Variants in DARS1 observed in about 807,000 individuals in gnomAD.
DARS1 encodes aspartate--tRNA ligase, cytoplasmic.
A neutral mutation model predicts 68.8 loss-of-function variants in DARS1; 51 were observed. The observed-to-expected ratio is 0.74, with a 90% CI of 0.59 to 0.94. The LOEUF (loss-of-function observed/expected upper bound fraction) is 0.94, where lower values mean the gene tolerates loss of function less well. Among genes scored for constraint, DARS1 ranks in the 40% least tolerant of loss-of-function variants. DARS1 has a pLI of 0.00. For missense variants in DARS1, 607 were observed against 597.3 expected, an observed-to-expected ratio of 1.02 and a Z score of -0.17; for synonymous variants, 203 against 190.4, an observed-to-expected ratio of 1.07 and a Z score of -0.55.
intron 7 of DARS1, among the ~76,000 whole-genome samples, chr2:135,926,656 C>A (rs13397074): frequency 1.3e-5 from 2 of 152,056 alleles, no homozygotes; most frequent in African/African-American, 4.8e-5. Context: ...GAAAGAAAAA[C>A]AAATATTTCA....
At chr2:135,938,713 G>A (rs1401420504) in intron 5 of DARS1, among the ~76,000 whole-genome samples, 1 of 152,138 alleles carries the variant, frequency 6.6e-6, no homozygotes, top group Non-Finnish European at 1.5e-5. Flanking sequence ...GACACAGACT[G>A]GCAAATTGGA....
At chr2:135,936,648 C>A (rs1451035038) in intron 5 of DARS1, among the ~76,000 whole-genome samples, 1 of 152,172 alleles carries the variant, frequency 6.6e-6, no homozygotes, top group Non-Finnish European at 1.5e-5. Flanking sequence ...TGGGTTTATT[C>A]ATTTATCTTT....
chr2:135,982,144 A>G (rs1575410660), intron 2 of DARS1, among the ~76,000 whole-genome samples: 1 of 152,216 alleles, frequency 6.6e-6, no homozygotes, highest in East Asian at 1.9e-4. Flanking sequence ...GAGAGACGTA[A>G]TTTGAAGTGT....
chr2:135,959,963 A>G (rs1356989921), intron 4 of DARS1, among the ~76,000 whole-genome samples: 1 of 152,158 alleles, frequency 6.6e-6, no homozygotes, highest in Admixed American at 6.5e-5. Context: ...AGAATTTAGC[A>G]TCTATGTCTG....
At chr2:135,949,301 T>C (rs1279654109) in intron 4 of DARS1, among the ~76,000 whole-genome samples, 1 of 152,010 alleles carries the variant, frequency 6.6e-6, no homozygotes, top group Non-Finnish European at 1.5e-5. Context: ...CTCACTGTCC[T>C]CTCTAACAGT....
At chr2:135,921,427 T>G (rs1199688257) in intron 9 of DARS1, among the ~76,000 whole-genome samples, 1 of 152,114 alleles carries the variant, frequency 6.6e-6, no homozygotes, top group East Asian at 1.9e-4. Flanking sequence ...CCATCTCTGT[T>G]GTCTATATAT....
chr2:135,981,674 C>CT lies in DARS1; in HGVS notation c.124+1722dup, dbSNP rs1312008531. 6.9e-3 allele frequency among the ~76,000 whole-genome samples: 967 copies of CT among 140,490 alleles called. 9 individuals carry two copies. The highest frequency in any genetic ancestry group is 0.011 in the Middle Eastern group (3 of 274). The allele number at this position is 140,490 out of a possible 152,430, so 92.2% of individuals were successfully genotyped here. A position where few individuals can be genotyped will look rare whatever the true frequency, so the allele number is the denominator to read the frequency against. On this transcript the variant is annotated intron_variant, in intron 2 of 15. Coordinates refer to ENST00000264161, the MANE Select transcript of DARS1 (RefSeq NM_001349.4). The stretch of plus-strand genomic sequence containing the variant: ...TGGAAATGATTTTCAGAAATTTTGG[C>CT]TTTTTTTTTTTTTTGACAGGGTCTC...
At chr2:135,973,508 G>C (rs1457988850) in intron 3 of DARS1, among the ~76,000 whole-genome samples, 1 of 151,776 alleles carries the variant, frequency 6.6e-6, no homozygotes, top group Non-Finnish European at 1.5e-5. Context: ...CCTAGTATTT[G>C]ATAGCAGAAC....
intron 3 of DARS1, among the ~76,000 whole-genome samples, chr2:135,963,828 T>C (rs1682153210): frequency 6.6e-6 from 1 of 151,786 alleles, no homozygotes; most frequent in Non-Finnish European, 1.5e-5. Flanking sequence ...TACAAGTGCC[T>C]ACCACCACAC....
intron 3 of DARS1, 98 bp downstream of exon 3, chr2:135,979,176 T>C (rs1196611410): frequency 2.8e-6 from 2 of 710,268 alleles, no homozygotes; most frequent in African/African-American, 1.8e-5. Context: ...CATGTTTTTG[T>C]TTTGTTTTTA....
rs1682612233 is a variant in DARS1, at chr2:135,980,771, C to G, written c.125-1405G>C. Among the ~76,000 whole-genome samples, 3 of 152,122 alleles carry G rather than the reference C, an allele frequency of 2.0e-5. No individual in the cohort carries two copies. The South Asian group carries it at 6.2e-4, about 32-fold the overall frequency. ...TAACCAAGCAATCACAACTCAAAAC[C>G]ACACAAAACAGAAAAGCAGAAGTCT... On this transcript the variant is annotated intron_variant, in intron 2 of 15. Coordinates refer to ENST00000264161, the MANE Select transcript of DARS1 (RefSeq NM_001349.4).
At chr2:135,977,562 GGAGA>G (rs1025774031) in intron 3 of DARS1, among the ~76,000 whole-genome samples, 4 of 152,164 alleles carry the variant, frequency 2.6e-5, no homozygotes, top group African/African-American at 9.7e-5. Flanking sequence ...CAGTATAACG[GGAGA>G]GAGACGAGTA....
chr2:135,974,371 G>A (rs368225736), intron 3 of DARS1, among the ~76,000 whole-genome samples: 4 of 152,120 alleles, frequency 2.6e-5, no homozygotes, highest in Non-Finnish European at 5.9e-5. Context: ...GATCAACTAC[G>A]TTAAAATTTA....
At chr2:135,916,403 G>GTA in intron 10 of DARS1, 31 bp from the exon 11 acceptor site, 1 of 1,353,940 alleles carries the variant, frequency 7.4e-7, no homozygotes, top group Non-Finnish European at 1.1e-6. Flanking sequence ...TTAATAAAAT[G>GTA]TATGAGATAA....
At chr2:135,935,432 TA>T (rs11340194) in intron 5 of DARS1, among the ~76,000 whole-genome samples, 37,100 of 149,656 alleles carry the variant, frequency 0.25, 5,491 homozygotes, top group Middle Eastern at 0.42. Context: ...CCATCTCTAC[TA>T]AAAAAAAATA....
chr2:135,929,016 T>A (rs1239022056), intron 7 of DARS1, among the ~76,000 whole-genome samples: 1 of 152,226 alleles, frequency 6.6e-6, no homozygotes, highest in Non-Finnish European at 1.5e-5. Flanking sequence ...CAGCTGTATG[T>A]GTTCAGGTTA....
chr2:135,920,156 G>A (rs1297696829), intron 10 of DARS1, among the ~76,000 whole-genome samples: 4 of 152,086 alleles, frequency 2.6e-5, no homozygotes, highest in South Asian at 4.2e-4. Flanking sequence ...TGAGACATTC[G>A]GGATGTCAGT....
chr2:135,941,392 AAAAC>A (rs1187851459), intron 5 of DARS1, among the ~76,000 whole-genome samples: 1 of 152,226 alleles, frequency 6.6e-6, no homozygotes, highest in African/African-American at 2.4e-5. Context: ...AAACCTGAGA[AAAAC>A]AAGCAATGGG....
chr2:135,930,706 A>G (rs1681322853), intron 7 of DARS1, among the ~76,000 whole-genome samples: 1 of 152,234 alleles, frequency 6.6e-6, no homozygotes, highest in Admixed American at 6.5e-5. Flanking sequence ...ATCCATTTGT[A>G]TTTGGGAAAA....
Sources: gnomAD v4.1 joint callset for allele counts (sites outside exome capture counted in the v4.1 genomes callset) on GRCh38, gnomAD v4.1.1 for gene constraint, MANE v1.5 for transcripts, NCBI Gene and HGNC (gene_info 2026-07-23, HGNC 2026-07-21) for gene names.